TIE1: variants seen among roughly 807,000 people sequenced by gnomAD.
TIE1 encodes tyrosine kinase with immunoglobulin like and EGF like domains 1.
Under a neutral mutation model 130.5 loss-of-function variants are expected in TIE1, and 89 were observed. The ratio of observed to expected loss-of-function variants is 0.68; its 90% confidence interval spans 0.57 to 0.81. TIE1 has a LOEUF of 0.81. Ranked by LOEUF, TIE1 falls within the 40% of genes least tolerant of loss-of-function variation. The probability of loss-of-function intolerance (pLI) is 0.00; values close to 1 mark genes in which losing one functional copy is unlikely to be tolerated. For missense variants in TIE1, 1,392 were observed against 1,559.8 expected (o/e 0.89, Z 1.81); for synonymous variants, 568 against 629.4 (o/e 0.90, Z 1.46).
At position 43,317,316 on chromosome 1, in the gene TIE1, G is replaced by A. The variant is rs770308111; in HGVS notation, c.2527G>A (p.Asp843Asn). The A allele has an allele frequency of 1.2e-5, 19 of 1,614,088 alleles. No homozygotes were observed. The highest frequency in any genetic ancestry group is 4.2e-6 in the Non-Finnish European group (5 of 1,180,030). Residue 843 changes from aspartate (D) to asparagine (N), a missense_variant, in exon 15 of 23, where the codon GAC (aspartate) becomes AAC (asparagine). By Grantham distance (23) the Asp-to-Asn change is conservative. Coordinates refer to ENST00000372476, the MANE Select transcript of TIE1 (RefSeq NM_005424.5). This position sits in a 1 kb window ranked among gnomAD's most constrained non-coding sequence, Gnocchi z 5.1. Reference protein sequence around the residue: ...VLEWEDITFEDLIGEGNFGQV... With the variant: ...VLEWEDITFENLIGEGNFGQV... ...AGAGTGGGAGGACATCACCTTTGAG[G>A]ACCTCATCGGGGAGGGGAACTTCGG...
At chr1:43,314,379 G>T in intron 14 of TIE1, 1 of 1,131,878 alleles carries the variant, frequency 8.8e-7, no homozygotes, top group Non-Finnish European at 1.1e-6. Context: ...TTTTGTCCTT[G>T]CAGGCCTTCC....
In TIE1 at chr1:43,317,423, AC is replaced by A. The variant is rs772369757; in HGVS notation, c.2620+18del. 1.9e-6 allele frequency: 3 copies of A among 1,613,264 alleles called. No individual in the cohort carries two copies. The highest frequency in any genetic ancestry group is 2.5e-6 in the Non-Finnish European group (3 of 1,179,722). Reference sequence around the variant, plus strand: ...AAATGCTGAAAGGTCCACTGGGGCGACCCCTGGCCCAGCCCTGATGCTCTCC... The same window carrying A: ...AAATGCTGAAAGGTCCACTGGGGCGACCCTGGCCCAGCCCTGATGCTCTCC... On this transcript the variant is annotated intron_variant, in intron 15 of 22. Transcript: ENST00000372476. The surrounding 1 kb of genome is among the most constrained non-coding windows in gnomAD (Gnocchi z 5.1).
chr1:43,306,783 A>G lies in TIE1; in HGVS notation c.485-57A>G, dbSNP rs1435444966. ...GTGAGCTGAGCAGAGGTGGACAGAGAGAGGTGACACAGCCCTCATGTAGTG... is the reference window on the plus strand; with the variant it reads ...GTGAGCTGAGCAGAGGTGGACAGAGGGAGGTGACACAGCCCTCATGTAGTG... On this transcript the variant is annotated intron_variant, in intron 3 of 22. Coordinates refer to ENST00000372476, the MANE Select transcript of TIE1 (RefSeq NM_005424.5). This position sits in a 1 kb window ranked among gnomAD's most constrained non-coding sequence, Gnocchi z 4.9. 6.5e-7 allele frequency: 1 copy of G among 1,544,624 alleles called. No homozygotes were observed. Among genetic ancestry groups the G allele is most frequent in the Non-Finnish European group, 8.7e-7 (1 of 1,144,768 alleles).
chr1:43,311,853 A>T, intron 10 of TIE1, 24 bp downstream of exon 10: 1 of 1,606,600 alleles, frequency 6.2e-7, no homozygotes, highest in East Asian at 2.2e-5. Context: ...GAGCTGGGGC[A>T]GGACAGAGGT....
In TIE1 at chr1:43,318,165, G is replaced by C; in HGVS notation, c.2922+93G>C. On this transcript the variant is annotated intron_variant, in intron 17 of 22. Coordinates refer to ENST00000372476, the MANE Select transcript of TIE1 (RefSeq NM_005424.5). The surrounding 1 kb of genome is among the most constrained non-coding windows in gnomAD (Gnocchi z 4.4). ...TCAGCCGGCCCTGATTGTATCTGGGGATTGAGGTTCCTGGCCCAAGTGTGT... is the reference window on the plus strand; with the variant it reads ...TCAGCCGGCCCTGATTGTATCTGGGCATTGAGGTTCCTGGCCCAAGTGTGT... The C allele has an allele frequency of 6.9e-7, 1 of 1,439,480 alleles. No individual in the cohort carries two copies. The highest frequency in any genetic ancestry group is 2.6e-5 in the Admixed American group (1 of 39,000). 89.2% of individuals were successfully genotyped at this position (1,439,480 alleles called of 1,614,324 possible).
intron 3 of TIE1, among the ~76,000 whole-genome samples, chr1:43,305,810 G>T (rs897333150): frequency 6.6e-6 from 1 of 152,178 alleles, no homozygotes; most frequent in Non-Finnish European, 1.5e-5. Flanking sequence ...TAGACCCGTG[G>T]GATCTCAGTC....
Position 43,317,991 on chromosome 1 carries a change from A to C in TIE1, c.2841A>C (p.Thr947=). 6.2e-7 allele frequency: 1 copy of C among 1,610,268 alleles called. No individual in the cohort carries two copies. Among genetic ancestry groups the C allele is most frequent in the Non-Finnish European group, 8.5e-7 (1 of 1,178,030 alleles). The change falls in exon 17 of 23, where the codon ACA becomes ACC. Residue 947 remains threonine (T), a synonymous_variant. Transcript: ENST00000372476. This position sits in a 1 kb window ranked among gnomAD's most constrained non-coding sequence, Gnocchi z 5.1. ...CAGCTTTTGCTCGAGAGCATGGGAC[A>C]GCCTCTACCCTTAGCTCCCGGCAGC... ...TDPAFAREHG[T]ASTLSSRQLL...
chr1:43,322,945 C>T lies in TIE1; in HGVS notation c.*223C>T. The T allele has an allele frequency of 1.8e-6, 1 of 540,666 alleles. No homozygotes were observed. Among genetic ancestry groups the T allele is most frequent in the East Asian group, 3.1e-5 (1 of 32,426 alleles). The allele number at this position is 540,666 out of a possible 1,614,324, so 33.5% of individuals were successfully genotyped here. On this transcript the variant is annotated 3_prime_UTR_variant, in exon 23 of 23. Coordinates refer to ENST00000372476, the MANE Select transcript of TIE1 (RefSeq NM_005424.5). The surrounding 1 kb of genome is among the most constrained non-coding windows in gnomAD (Gnocchi z 4.0). ...ATCCTGGGCATCCTTCTTTCTAGTT[C>T]AGCTGCCCCACAGGTGTGTTTCCCA...
At chr1:43,321,756 A>T in intron 22 of TIE1, 41 bp downstream of exon 22, 1 of 1,532,438 alleles carries the variant, frequency 6.5e-7, no homozygotes, top group Non-Finnish European at 8.8e-7. Flanking sequence ...GGGCTCACAG[A>T]GTGCTCCAGA....
Position 43,307,057 on chromosome 1 carries a change from C to T in TIE1, c.640+62C>T, listed in dbSNP as rs1476373495. The T allele has an allele frequency of 6.2e-7, 1 of 1,612,686 alleles. No individual in the cohort carries two copies. Reference sequence around the variant, plus strand: ...GAGGCTGGGAGCCCTATGGGTACTTCCTGTGGGTCCCCTGGAGCCCCTGGA... The same window carrying T: ...GAGGCTGGGAGCCCTATGGGTACTTTCTGTGGGTCCCCTGGAGCCCCTGGA... On this transcript the variant is annotated intron_variant, in intron 4 of 22. Transcript: ENST00000372476. This position sits in a 1 kb window ranked among gnomAD's most constrained non-coding sequence, Gnocchi z 5.4.
intron 19 of TIE1, chr1:43,320,037 G>A: frequency 5.2e-6 from 1 of 191,454 alleles, no homozygotes. Context: ...CTTTGGCCTT[G>A]CCTGCATGGC....
chr1:43,306,958 C>G lies in TIE1; in HGVS notation c.603C>G (p.Ser201Arg), dbSNP rs755246263. 6.2e-7 allele frequency: 1 copy of G among 1,613,924 alleles called. No individual in the cohort carries two copies. The highest frequency in any genetic ancestry group is 1.1e-5 in the South Asian group (1 of 91,084). The change falls in exon 4 of 23, where the codon AGC becomes AGG. Residue 201 changes from serine (S) to arginine (R), a missense_variant. Physicochemically the swap from Ser to Arg is moderately radical, Grantham distance 110 (BLOSUM62 -1). This residue lies in a region of TIE1 where 415 missense variants were observed against 424.8 expected (regional missense o/e 0.98). Coordinates refer to ENST00000372476, the MANE Select transcript of TIE1 (RefSeq NM_005424.5). This position sits in a 1 kb window ranked among gnomAD's most constrained non-coding sequence, Gnocchi z 4.9. ...GIYSATYLEASPLGSAFFRLI... is the reference protein window; with the variant it reads ...GIYSATYLEARPLGSAFFRLI... Reference sequence around the variant, plus strand: ...ACAGTGCCACTTACCTGGAAGCCAGCCCCCTGGGCAGCGCCTTCTTTCGGC... The same window carrying G: ...ACAGTGCCACTTACCTGGAAGCCAGGCCCCTGGGCAGCGCCTTCTTTCGGC...
At position 43,312,507 on chromosome 1, in the gene TIE1, G is replaced by A. The variant is rs550929965; in HGVS notation, c.1833G>A (p.Thr611=). 88 of 1,613,096 alleles carry A rather than the reference G, an allele frequency of 5.5e-5. No individual in the cohort carries two copies. In the East Asian group the frequency reaches 1.4e-3, roughly 27 times the overall value. ...QARTALLTGL[T]PGTHYQLDVQ... is the part of the protein sequence containing the mutation. ...GCACTGCCCTCCTGACGGGACTCAC[G>A]CCTGGCACCCACTACCAGCTGGATG... Residue 611 remains threonine, a synonymous_variant, in exon 12 of 23, where the codon ACG becomes ACA. Transcript: ENST00000372476. This position sits in a 1 kb window ranked among gnomAD's most constrained non-coding sequence, Gnocchi z 5.6.
intron 19 of TIE1, among the ~76,000 whole-genome samples, chr1:43,321,045 AAAAAAAAAAC>A (rs1299775752): frequency 6.7e-6 from 1 of 148,542 alleles, no homozygotes; most frequent in African/African-American, 2.5e-5. Context: ...AAAAAAAAAA[AAAAAAAAAAC>A]AAAACAAAAG....
chr1:43,309,470 G>C lies in TIE1; in HGVS notation c.1271G>C (p.Trp424Ser). Reference sequence around the variant, plus strand: ...TTGGTTCTTGCGGACAGTGGGTTCTGGGAGTGCCGTGTGTCCACATCTGGC... The same window carrying C: ...TTGGTTCTTGCGGACAGTGGGTTCTCGGAGTGCCGTGTGTCCACATCTGGC... The part of the protein sequence containing the change: ...PRLVLADSGF[W>S]ECRVSTSGGQ... The change falls in exon 9 of 23, where the codon TGG becomes TCG. Residue 424 changes from tryptophan to serine, a missense_variant. Coordinates refer to ENST00000372476, the MANE Select transcript of TIE1 (RefSeq NM_005424.5). The surrounding 1 kb of genome is among the most constrained non-coding windows in gnomAD (Gnocchi z 6.3). 1 of 1,611,478 alleles carries C rather than the reference G, an allele frequency of 6.2e-7. No homozygotes were observed. Among genetic ancestry groups the C allele is most frequent in the Non-Finnish European group, 8.5e-7 (1 of 1,178,902 alleles).
Position 43,321,408 on chromosome 1 carries a change from A to C in TIE1, c.3161A>C (p.Tyr1054Ser), listed in dbSNP as rs767715234. The change falls in exon 21 of 23, where the codon TAC (tyrosine) becomes TCC (serine). Residue 1054 changes from tyrosine to serine, a missense_variant. Physicochemically the swap from Tyr to Ser is moderately radical, Grantham distance 144. Around this residue, in one of 6 missense-constraint regions of TIE1, gnomAD observed 104 missense variants for 129.3 expected, o/e 0.80. Coordinates refer to ENST00000372476, the MANE Select transcript of TIE1 (RefSeq NM_005424.5). ...TCCCCTCCTGCAGGAGGTACACCCT[A>C]CTGTGGCATGACCTGTGCCGAGCTC... is the stretch of plus-strand genomic sequence containing the variant. The part of the protein sequence containing the change: ...WEIVSLGGTP[Y>S]CGMTCAELYE... The C allele has an allele frequency of 1.2e-6, 2 of 1,613,718 alleles. No individual in the cohort carries two copies. Among genetic ancestry groups the C allele is most frequent in the South Asian group, 2.2e-5 (2 of 91,054 alleles).
chr1:43,317,597 C>T lies in TIE1; in HGVS notation c.2654C>T (p.Ala885Val), dbSNP rs750537304. The T allele has an allele frequency of 8.7e-6, 14 of 1,608,250 alleles. No homozygotes were observed. Among genetic ancestry groups the T allele is most frequent in the South Asian group, 5.5e-5 (5 of 90,466 alleles). Residue 885 changes from alanine to valine, a missense_variant, in exon 16 of 23, where the codon GCG (alanine) becomes GTG (valine). Physicochemically the swap from Ala to Val is moderately conservative, Grantham distance 64 (BLOSUM62 0). Transcript: ENST00000372476. The surrounding 1 kb of genome is among the most constrained non-coding windows in gnomAD (Gnocchi z 5.1). ...TCTGAAAATGACCATCGTGACTTTG[C>T]GGGAGAACTGGAAGTTCTGTGCAAA... Reference protein sequence around the residue: ...YASENDHRDFAGELEVLCKLG... With the variant: ...YASENDHRDFVGELEVLCKLG...
At chr1:43,321,371 G>C (rs148816461) in intron 20 of TIE1, 25 bp from the exon 21 acceptor site, 1 of 1,613,654 alleles carries the variant, frequency 6.2e-7, no homozygotes, top group Non-Finnish European at 8.5e-7. Flanking sequence ...GCCCTGGACC[G>C]AGAGCACTTT....
chr1:43,311,693 A>C lies in TIE1; in HGVS notation c.1356A>C (p.Ala452=), dbSNP rs1570440043. 1.2e-6 allele frequency: 2 copies of C among 1,613,452 alleles called. No homozygotes were observed. The highest frequency in any genetic ancestry group is 1.7e-6 in the Non-Finnish European group (2 of 1,179,838). ...CAGTGCCCCCCGTGCCCCTGGCTGCACCTCGGCTCCTGACCAAGCAGAGCC... is the reference window on the plus strand; with the variant it reads ...CAGTGCCCCCCGTGCCCCTGGCTGCCCCTCGGCTCCTGACCAAGCAGAGCC... ...NVKVPPVPLA[A]PRLLTKQSRQ... is the part of the protein sequence containing the mutation. Residue 452 remains alanine, a synonymous_variant, in exon 10 of 23, where the codon GCA becomes GCC. Transcript: ENST00000372476.
Sources: allele counts gnomAD v4.1 joint callset (sites outside exome capture counted in the v4.1 genomes callset), GRCh38; gene constraint gnomAD v4.1.1; regional missense constraint gnomAD v4.1.1; non-coding constraint Gnocchi (gnomAD v3.1); transcripts MANE v1.5; gene names NCBI Gene and HGNC (gene_info 2026-07-23, HGNC 2026-07-21).